The following PCDHGB2 variants were observed in gnomAD, a reference collection of about 807,000 sequenced individuals.
PCDHGB2 encodes the protein protocadherin gamma-B2.
PCDHGB2 carries 55 observed loss-of-function variants against 59.3 expected under a neutral mutation model. That is an observed-to-expected ratio of 0.93 (90% CI 0.75 to 1.16). The LOEUF (loss-of-function observed/expected upper bound fraction) is 1.16, where lower values mean the gene tolerates loss of function less well. Ranked by LOEUF, PCDHGB2 falls within the 50% of genes most tolerant of loss-of-function variation. The pLI is 0.00. For missense variants in PCDHGB2, 1,228 were observed against 1,198.5 expected (o/e 1.02, Z -0.36); for synonymous variants, 516 against 512.0 (o/e 1.01, Z -0.11).
Position 141,489,552 on chromosome 5 carries a change from G to T in PCDHGB2, c.2422-5255G>T, listed in dbSNP as rs2099688780. ...GTGGAGCCAGCACCAGCTGCCTGCTGCCAGTGCAGGTGGTGACTGAACACC... is the reference window on the plus strand; with the variant it reads ...GTGGAGCCAGCACCAGCTGCCTGCTTCCAGTGCAGGTGGTGACTGAACACC... On this transcript the variant is annotated intron_variant, in intron 1 of 3. Coordinates refer to ENST00000522605, the MANE Select transcript of PCDHGB2 (RefSeq NM_018923.3). The surrounding 1 kb of genome is among the most constrained non-coding windows in gnomAD (Gnocchi z 4.5). The T allele has an allele frequency of 6.2e-7, 1 of 1,613,988 alleles. No homozygotes were observed. The highest frequency in any genetic ancestry group is 1.7e-5 in the Admixed American group (1 of 60,000).
chr5:141,387,718 T>G, intron 1 of PCDHGB2: 1 of 1,099,216 alleles, frequency 9.1e-7, no homozygotes, highest in South Asian at 1.7e-5. Context: ...CAGCTCAGAC[T>G]CCCCAGCGCC....
At chr5:141,495,073 C>T (rs1464039604) in intron 2 of PCDHGB2, among the ~76,000 whole-genome samples, 1 of 152,186 alleles carries the variant, frequency 6.6e-6, no homozygotes, top group Non-Finnish European at 1.5e-5. Flanking sequence ...GCTCAATTCA[C>T]ATGCTTGCCC....
At chr5:141,393,304 T>G (rs1317637425) in intron 1 of PCDHGB2, 3 of 1,613,680 alleles carry the variant, frequency 1.9e-6, no homozygotes, top group Admixed American at 1.7e-5. Context: ...GATGTGGGCG[T>G]GAACTCCCTC....
At chr5:141,408,683 G>C in intron 1 of PCDHGB2, 2 of 1,613,906 alleles carry the variant, frequency 1.2e-6, no homozygotes, top group Non-Finnish European at 1.7e-6. Flanking sequence ...CACGGATCCT[G>C]ATATAAACAT....
chr5:141,427,013 T>A, intron 1 of PCDHGB2: 2 of 456,846 alleles, frequency 4.4e-6, no homozygotes, highest in Non-Finnish European at 8.8e-6. Flanking sequence ...TTAGCCAGGA[T>A]GTATACAAAG....
chr5:141,422,331 T>C (rs768333038), intron 1 of PCDHGB2: 1 of 1,548,508 alleles, frequency 6.5e-7, no homozygotes, highest in South Asian at 1.3e-5. Context: ...CAGTGATTGC[T>C]CTTCTAAATG....
chr5:141,453,926 T>C (rs1274875429), intron 1 of PCDHGB2, among the ~76,000 whole-genome samples: 1 of 152,256 alleles, frequency 6.6e-6, no homozygotes, highest in Non-Finnish European at 1.5e-5. Flanking sequence ...GATCAGTCAC[T>C]GTGTGCCTAT....
chr5:141,485,503 C>T lies in PCDHGB2; in HGVS notation c.2422-9304C>T, dbSNP rs1057374827. The T allele has an allele frequency of 5.0e-6, 8 of 1,614,096 alleles. No homozygotes were observed. The highest frequency in any genetic ancestry group is 6.8e-6 in the Non-Finnish European group (8 of 1,180,008). On this transcript the variant is annotated intron_variant, in intron 1 of 3. Coordinates refer to ENST00000522605, the MANE Select transcript of PCDHGB2 (RefSeq NM_018923.3). This position sits in a 1 kb window ranked among gnomAD's most constrained non-coding sequence, Gnocchi z 5.7. ...GCATCGTGCCCCTGGAGTTTGTCAC[C>T]GAAGGTCCTTTGGAAATGTACCGAG...
intron 2 of PCDHGB2, among the ~76,000 whole-genome samples, chr5:141,501,258 T>G (rs2099806611): frequency 1.3e-5 from 2 of 150,950 alleles, no homozygotes; most frequent in South Asian, 4.2e-4. Flanking sequence ...GGGAGTATTT[T>G]ATTATAGTCC....
At chr5:141,480,726 G>A (rs2099524533) in intron 1 of PCDHGB2, among the ~76,000 whole-genome samples, 1 of 152,138 alleles carries the variant, frequency 6.6e-6, no homozygotes, top group Non-Finnish European at 1.5e-5. Context: ...CACAGTCTCT[G>A]GGGGTGGGAC....
chr5:141,431,008 C>T lies in PCDHGB2; in HGVS notation c.2422-63799C>T. The T allele has an allele frequency of 6.2e-7, 1 of 1,614,118 alleles. No individual in the cohort carries two copies. The highest frequency in any genetic ancestry group is 1.1e-5 in the South Asian group (1 of 91,076). ...TCGCCCTGAATCCGCGCAGCGGCAG[C>T]TTGGTCACGGCGGGCAGGATAGACC... On this transcript the variant is annotated intron_variant, in intron 1 of 3. Transcript: ENST00000522605. This position sits in a 1 kb window ranked among gnomAD's most constrained non-coding sequence, Gnocchi z 4.8.
Position 141,408,693 on chromosome 5 carries a change from TAAACTC to T in PCDHGB2, c.2421+46140_2421+46145del, listed in dbSNP as rs1561714743. 1.9e-6 allele frequency: 3 copies of T among 1,613,768 alleles called. No homozygotes were observed. In the African/African-American group the frequency reaches 4.0e-5, roughly 22 times the overall value. On this transcript the variant is annotated intron_variant, in intron 1 of 3. Coordinates refer to ENST00000522605, the MANE Select transcript of PCDHGB2 (RefSeq NM_018923.3). The stretch of plus-strand genomic sequence containing the variant: ...CCTGCCACGGATCCTGATATAAACA[TAAACTC>T]AATTAAAGATTATAAGATAAACTCT...
At chr5:141,447,647 T>C (rs1338920727) in intron 1 of PCDHGB2, among the ~76,000 whole-genome samples, 1 of 152,092 alleles carries the variant, frequency 6.6e-6, no homozygotes, top group African/African-American at 2.4e-5. Flanking sequence ...GATGGTAGAA[T>C]TTTCCCCCCC....
At chr5:141,455,160 G>GT (rs59530096) in intron 1 of PCDHGB2, among the ~76,000 whole-genome samples, 26,536 of 149,098 alleles carry the variant, frequency 0.18, 2,386 homozygotes, top group South Asian at 0.23. Flanking sequence ...TAGTTTGTTG[G>GT]TTTTTTTTTT....
chr5:141,370,033 T>C (rs887540311), intron 1 of PCDHGB2, among the ~76,000 whole-genome samples: 10 of 152,232 alleles, frequency 6.6e-5, no homozygotes, highest in African/African-American at 2.4e-4. Context: ...ATATAGTAAG[T>C]ATATTTAATG....
Position 141,490,270 on chromosome 5 carries a change from A to G in PCDHGB2, c.2422-4537A>G. On this transcript the variant is annotated intron_variant, in intron 1 of 3. Coordinates refer to ENST00000522605, the MANE Select transcript of PCDHGB2 (RefSeq NM_018923.3). The surrounding 1 kb of genome is among the most constrained non-coding windows in gnomAD (Gnocchi z 5.4). The stretch of plus-strand genomic sequence containing the variant: ...GATTCAAGTGGATGTGGGGGATGTC[A>G]ATGACAATGCCCCAGAGGTGCTATT... The G allele has an allele frequency of 6.2e-7, 1 of 1,614,226 alleles. No individual in the cohort carries two copies. Among genetic ancestry groups the G allele is most frequent in the African/African-American group, 1.3e-5 (1 of 75,060 alleles).
At position 141,361,147 on chromosome 5, in the gene PCDHGB2, C is replaced by G; in HGVS notation, c.1012C>G (p.Leu338Val). The G allele has an allele frequency of 6.2e-7, 1 of 1,613,956 alleles. No individual in the cohort carries two copies. Among genetic ancestry groups the G allele is most frequent in the Non-Finnish European group, 8.5e-7 (1 of 1,179,890 alleles). The change falls in exon 1 of 4, where the codon CTT becomes GTT. Residue 338 changes from leucine to valine, a missense_variant. Leu to Val is a conservative substitution (Grantham distance 32, BLOSUM62 1). This residue lies in a region of PCDHGB2 where 781 missense variants were observed against 721.6 expected (regional missense o/e 1.08). Transcript: ENST00000522605. Reference protein sequence around the residue: ...AAHCSIQVEILDDNDCAPEVI... With the variant: ...AAHCSIQVEIVDDNDCAPEVI... ...CCACTGCAGTATCCAAGTTGAAATT[C>G]TTGATGACAACGATTGTGCACCTGA...
chr5:141,491,071 C>T lies in PCDHGB2; in HGVS notation c.2422-3736C>T, dbSNP rs987564933. 1 of 1,614,152 alleles carries T rather than the reference C, an allele frequency of 6.2e-7. No individual in the cohort carries two copies. Among genetic ancestry groups the T allele is most frequent in the Non-Finnish European group, 8.5e-7 (1 of 1,180,028 alleles). ...TGCGTGGCTCTCCTACTCACTGTTGCCACAGTCCACAGCCCCAGGACTGTT... is the reference window on the plus strand; with the variant it reads ...TGCGTGGCTCTCCTACTCACTGTTGTCACAGTCCACAGCCCCAGGACTGTT... On this transcript the variant is annotated intron_variant, in intron 1 of 3. Transcript: ENST00000522605. This position sits in a 1 kb window ranked among gnomAD's most constrained non-coding sequence, Gnocchi z 6.9.
intron 1 of PCDHGB2, among the ~76,000 whole-genome samples, chr5:141,425,305 AC>A (rs1239206853): frequency 1.3e-5 from 2 of 152,202 alleles, no homozygotes; most frequent in Non-Finnish European, 2.9e-5. Flanking sequence ...ATCTAAACTA[AC>A]TTCCCAAGAT....
Sources: allele counts gnomAD v4.1 joint callset (sites outside exome capture counted in the v4.1 genomes callset), GRCh38; gene constraint gnomAD v4.1.1; regional missense constraint gnomAD v4.1.1; non-coding constraint Gnocchi (gnomAD v3.1); transcripts MANE v1.5; gene names NCBI Gene and HGNC (gene_info 2026-07-23, HGNC 2026-07-21).